DNAH8: variants seen among roughly 807,000 people sequenced by gnomAD.
DNAH8 encodes dynein axonemal heavy chain 8.
In DNAH8, 382 loss-of-function variants were observed where a neutral mutation model predicts 562.1. That is an observed-to-expected ratio of 0.68 (90% CI 0.63 to 0.74). The LOEUF is 0.74. Ranked by LOEUF, DNAH8 falls within the 30% of genes least tolerant of loss-of-function variation. The pLI, the probability that DNAH8 is intolerant of heterozygous loss-of-function variation, is 0.00. For synonymous variants in DNAH8, 1,881 were observed against 1,919.4 expected (o/e 0.98, Z 0.52); for missense variants, 5,203 against 5,620.4 (o/e 0.93, Z 2.37).
At chr6:38,856,192 T>C (rs1776182946) in intron 41 of DNAH8, among the ~76,000 whole-genome samples, 1 of 152,234 alleles carries the variant, frequency 6.6e-6, no homozygotes, top group Non-Finnish European at 1.5e-5. Flanking sequence ...TTTCCATGTA[T>C]GTGTGAGAAC....
In DNAH8 at chr6:39,008,793, A is replaced by G. The variant is rs575769525; in HGVS notation, c.13215-21A>G. ...TACATGTTTCCCTGTAACATTCTGA[A>G]CAGCTCACTCTTTTTACTAGGTATC... is the stretch of plus-strand genomic sequence containing the variant. On this transcript the variant is annotated intron_variant, in intron 88 of 92. Coordinates refer to ENST00000327475, the MANE Select transcript of DNAH8 (RefSeq NM_001206927.2). 7 of 1,539,548 alleles carry G rather than the reference A, an allele frequency of 4.5e-6. No individual in the cohort carries two copies. In the South Asian group the frequency reaches 5.8e-5, roughly 13 times the overall value.
chr6:38,784,994 G>C (rs149279327), intron 17 of DNAH8, among the ~76,000 whole-genome samples: 1 of 152,204 alleles, frequency 6.6e-6, no homozygotes, highest in Non-Finnish European at 1.5e-5. Flanking sequence ...AGAAGAGTTT[G>C]TTCCCCTTGA....
chr6:38,779,799 G>T (rs1474937260), intron 14 of DNAH8, among the ~76,000 whole-genome samples, 167 bp from the exon 15 acceptor site: 1 of 152,224 alleles, frequency 6.6e-6, no homozygotes, highest in Non-Finnish European at 1.5e-5. Context: ...TGGGTTCCAA[G>T]AGAACCAGGA....
At chr6:38,852,510 G>A (rs1490145503) in intron 39 of DNAH8, among the ~76,000 whole-genome samples, 184 bp from the exon 40 acceptor site, 1 of 152,096 alleles carries the variant, frequency 6.6e-6, no homozygotes, top group Non-Finnish European at 1.5e-5. Flanking sequence ...CATTCCTCTG[G>A]CCTTGATTTT....
At chr6:38,942,322 G>A (rs1189209327) in intron 79 of DNAH8, among the ~76,000 whole-genome samples, 1 of 152,174 alleles carries the variant, frequency 6.6e-6, no homozygotes, top group African/African-American at 2.4e-5. Context: ...TGAGAAGGAG[G>A]CACATATGAC....
chr6:39,028,540 G>A (rs570221142), intron 92 of DNAH8, among the ~76,000 whole-genome samples: 1 of 152,184 alleles, frequency 6.6e-6, no homozygotes, highest in South Asian at 2.1e-4. Context: ...CAGTCACATT[G>A]GATTTAGGAC....
chr6:38,812,039 A>T (rs1384814398), intron 24 of DNAH8, among the ~76,000 whole-genome samples: 1 of 152,144 alleles, frequency 6.6e-6, no homozygotes, highest in Non-Finnish European at 1.5e-5. Context: ...GCAGGAAGTA[A>T]GTTGACGCAT....
chr6:38,885,870 A>G (rs1199416228), intron 56 of DNAH8, among the ~76,000 whole-genome samples: 1 of 152,186 alleles, frequency 6.6e-6, no homozygotes, highest in Non-Finnish European at 1.5e-5. Flanking sequence ...TTACATATCA[A>G]CATGCATCTG....
At chr6:38,916,354 C>G (rs2150544161) in intron 68 of DNAH8, among the ~76,000 whole-genome samples, 1 of 152,244 alleles carries the variant, frequency 6.6e-6, no homozygotes, top group African/African-American at 2.4e-5. Flanking sequence ...GCCCAGACCT[C>G]ACTCCTCCCA....
intron 91 of DNAH8, among the ~76,000 whole-genome samples, chr6:39,016,545 T>C (rs1326343172): frequency 7.2e-6 from 1 of 138,864 alleles, no homozygotes; most frequent in Non-Finnish European, 1.5e-5. Context: ...AGCGAGACTC[T>C]GTCTCAAAAA....
rs1326877040 is a variant in DNAH8, at chr6:38,886,927, T to C, written c.8396T>C (p.Ile2799Thr). 5 of 1,614,084 alleles carry C rather than the reference T, an allele frequency of 3.1e-6. No individual in the cohort carries two copies. The highest frequency in any genetic ancestry group is 1.1e-5 in the South Asian group (1 of 91,090). Residue 2799 changes from isoleucine (I) to threonine (T), a missense_variant, in exon 57 of 93, where the codon ATT becomes ACT. Physicochemically the swap from Ile to Thr is moderately conservative, Grantham distance 89. Transcript: ENST00000327475. ...MIHPGGGRND[I>T]PQRLKRQFTV... The stretch of plus-strand genomic sequence containing the variant: ...CACCCTGGAGGTGGTCGAAATGATA[T>C]TCCACAACGTTTAAAAAGACAATTT...
chr6:38,900,699 A>G (rs983919899), intron 62 of DNAH8, among the ~76,000 whole-genome samples: 10 of 151,366 alleles, frequency 6.6e-5, no homozygotes, highest in African/African-American at 2.2e-4. Context: ...CTCACTGCAA[A>G]CTCCACCTCC....
intron 8 of DNAH8, among the ~76,000 whole-genome samples, chr6:38,748,019 T>C (rs1765104553): frequency 6.6e-6 from 1 of 152,244 alleles, no homozygotes. Context: ...TGCACCACAA[T>C]TTATTTATCT....
At chr6:38,912,260 C>G (rs771974374) in intron 66 of DNAH8, among the ~76,000 whole-genome samples, 2 of 152,204 alleles carry the variant, frequency 1.3e-5, no homozygotes, top group Non-Finnish European at 2.9e-5. Flanking sequence ...CCCAGGAGTT[C>G]AAGAGCAGCC....
At chr6:38,857,780 A>T (rs776331493) in intron 42 of DNAH8, 38 bp downstream of exon 42, 1 of 1,291,462 alleles carries the variant, frequency 7.7e-7, no homozygotes, top group African/African-American at 1.5e-5. Flanking sequence ...GTACTAACTA[A>T]TAATGAACAG....
chr6:38,939,719 C>T (rs547997908), intron 79 of DNAH8, among the ~76,000 whole-genome samples: 5 of 152,256 alleles, frequency 3.3e-5, no homozygotes, highest in East Asian at 1.9e-4. Flanking sequence ...TGGGTTAAGC[C>T]ATGAATTGGG....
intron 23 of DNAH8, among the ~76,000 whole-genome samples, chr6:38,806,057 G>A (rs1196905894): frequency 6.6e-6 from 1 of 152,154 alleles, no homozygotes; most frequent in South Asian, 2.1e-4. Flanking sequence ...CCCTAGATAG[G>A]CAGATTTTCA....
At position 38,890,847 on chromosome 6, in the gene DNAH8, A is replaced by C. The variant is rs996969916; in HGVS notation, c.8583+86A>C. Reference sequence around the variant, plus strand: ...CCTCGTGGCTCATTAAGTTATCATAATATCATATATAGTGGTGTTTTTTGG... The same window carrying C: ...CCTCGTGGCTCATTAAGTTATCATACTATCATATATAGTGGTGTTTTTTGG... On this transcript the variant is annotated intron_variant, in intron 58 of 92. Coordinates refer to ENST00000327475, the MANE Select transcript of DNAH8 (RefSeq NM_001206927.2). 6.7e-6 allele frequency: 6 copies of C among 896,164 alleles called. No homozygotes were observed. The African/African-American group carries it at 1.0e-4, about 15-fold the overall frequency. The allele number at this position is 896,164 out of a possible 1,614,324, so 55.5% of individuals were successfully genotyped here. A position where few individuals can be genotyped will look rare whatever the true frequency, so the allele number is the denominator to read the frequency against.
intron 4 of DNAH8, 134 bp from the exon 5 acceptor site, chr6:38,734,340 A>AC: frequency 1.3e-6 from 1 of 782,526 alleles, no homozygotes; most frequent in Non-Finnish European, 1.7e-6. Flanking sequence ...CCCCCCAAAA[A>AC]AATTATTCTA....
Sources: gnomAD v4.1 joint callset for allele counts (sites outside exome capture counted in the v4.1 genomes callset) on GRCh38, gnomAD v4.1.1 for gene constraint, MANE v1.5 for transcripts, NCBI Gene and HGNC (gene_info 2026-07-23, HGNC 2026-07-21) for gene names.